FAM199X: variants seen among roughly 807,000 people sequenced by gnomAD.
FAM199X encodes the protein family with sequence similarity 199, X-linked.
Under a neutral mutation model 22.9 loss-of-function variants are expected in FAM199X, and 4 were observed. The ratio of observed to expected loss-of-function variants is 0.17; its 90% CI spans 0.09 to 0.40. FAM199X has a LOEUF of 0.40. FAM199X is among the 10% of genes least tolerant of loss of function. The pLI is 1.00. For missense variants in FAM199X, 183 were observed against 306.8 expected, an observed-to-expected ratio of 0.60 and a Z score of 3.01; for synonymous variants, 101 against 112.3, an observed-to-expected ratio of 0.90 and a Z score of 0.64.
At chrX:104,181,535 G>A (rs1442392111) in intron 2 of FAM199X, among the ~76,000 whole-genome samples, 1 of 112,046 alleles carries the variant, frequency 8.9e-6, no homozygotes, top group Non-Finnish European at 1.9e-5. Flanking sequence ...GGAAAAAATA[G>A]ACTCTGCTTA....
chrX:104,189,504 A>G (rs1238640086), intron 5 of FAM199X, 104 bp from the exon 6 acceptor site: 2 of 814,977 alleles, frequency 2.5e-6, no homozygotes, highest in East Asian at 3.1e-5. Context: ...AAGGATTTGA[A>G]CAGCTCTTAA....
chrX:104,184,776 A>G (rs1297672432), intron 2 of FAM199X, among the ~76,000 whole-genome samples: 1 of 109,708 alleles, frequency 9.1e-6, no homozygotes, highest in African/African-American at 3.3e-5. Flanking sequence ...ATTTAAAATT[A>G]TTTTATTATT....
intron 2 of FAM199X, among the ~76,000 whole-genome samples, chrX:104,181,097 G>A (rs968025590): frequency 8.0e-5 from 9 of 112,358 alleles, no homozygotes; most frequent in African/African-American, 2.9e-4. Context: ...TAAACAGTGA[G>A]TAATCAGCTG....
chrX:104,164,201 G>A (rs1921100407), upstream of FAM199X, among the ~76,000 whole-genome samples: 2 of 112,103 alleles, frequency 1.8e-5, no homozygotes, highest in African/African-American at 6.5e-5. Context: ...ACATACTACT[G>A]ACTGGCAAGC....
intron 1 of FAM199X, among the ~76,000 whole-genome samples, 200 bp from the exon 2 acceptor site, chrX:104,175,423 C>A (rs782116712): frequency 5.4e-5 from 6 of 111,888 alleles, no homozygotes; most frequent in Non-Finnish European, 1.1e-4. Flanking sequence ...TCCCCAACCC[C>A]TGCCTTATTT....
In FAM199X at chrX:104,194,494, C is replaced by T. The variant is rs1556381164; in HGVS notation, c.*4716C>T. 8.9e-6 allele frequency: 1 copy of T among 112,169 alleles called. No individual in the cohort carries two copies. Among genetic ancestry groups the T allele is most frequent in the Admixed American group, 9.5e-5 (1 of 10,580 alleles). The allele number at this position is 112,169 out of a possible 1,213,427, so 9.2% of individuals were successfully genotyped here. On this transcript the variant is annotated 3_prime_UTR_variant, in exon 6 of 6. Transcript: ENST00000493442. ...GCTGGCTCTTTTAACAGTAGCTGAC[C>T]TATTGGATTTAAACTGAGACTGAAA...
At chrX:104,166,202 C>T (rs1418350788), upstream of FAM199X, among the ~76,000 whole-genome samples, 1 of 113,000 alleles carries the variant, frequency 8.8e-6, no homozygotes, top group Non-Finnish European at 1.9e-5. Flanking sequence ...TGACCTTGGC[C>T]AAGTCCCTTT....
chrX:104,159,774 G>A, the FAM199X span, among the ~76,000 whole-genome samples: 3 of 111,908 alleles, frequency 2.7e-5, no homozygotes, highest in African/African-American at 9.8e-5. Context: ...GCACTCTGCA[G>A]AAGAGGTTCA....
Position 104,191,794 on chromosome X carries a change from A to T in FAM199X, c.*2016A>T, listed in dbSNP as rs782747804. The T allele has an allele frequency of 1.8e-5, 2 of 111,859 alleles. No individual in the cohort carries two copies. Among genetic ancestry groups the T allele is most frequent in the South Asian group, 7.4e-4 (2 of 2,694 alleles). 9.2% of individuals were successfully genotyped at this position (111,859 alleles called of 1,213,427 possible). A position where few individuals can be genotyped will look rare whatever the true frequency, so the allele number is the denominator to read the frequency against. ...GGTCATCAGTAAAAAACCCTAAACA[A>T]GGTCATGATATAATTTAAGACCAAT... On this transcript the variant is annotated 3_prime_UTR_variant, in exon 6 of 6. Coordinates refer to ENST00000493442, the MANE Select transcript of FAM199X (RefSeq NM_207318.4).
the FAM199X span, among the ~76,000 whole-genome samples, chrX:104,158,388 A>G: frequency 4.5e-5 from 5 of 112,107 alleles, 1 homozygote; most frequent in Non-Finnish European, 9.4e-5. Context: ...TACTTCCTAT[A>G]GTACTGAAGA....
At chrX:104,170,494 G>A (rs1006933513) in intron 1 of FAM199X, among the ~76,000 whole-genome samples, 9 of 111,990 alleles carry the variant, frequency 8.0e-5, no homozygotes, top group Non-Finnish European at 1.1e-4. Context: ...GGTTGAGAGA[G>A]TGGAAGGTTT....
chrX:104,166,585 C>A lies in FAM199X; in HGVS notation c.-201C>A. On this transcript the variant is annotated 5_prime_UTR_variant, in exon 1 of 6. Transcript: ENST00000493442. ...GGGCGCTAACTGGGTGGCCGGTGGG[C>A]CGCTGTGGCCTCGAGCAGCCTCTTC... 3.1e-6 allele frequency: 1 copy of A among 325,440 alleles called. No homozygotes were observed. Among genetic ancestry groups the A allele is most frequent in the East Asian group, 5.0e-5 (1 of 20,186 alleles). 26.8% of individuals were successfully genotyped at this position (325,440 alleles called of 1,213,427 possible). A position where few individuals can be genotyped will look rare whatever the true frequency, so the allele number is the denominator to read the frequency against.
intron 1 of FAM199X, among the ~76,000 whole-genome samples, chrX:104,172,913 CAA>C (rs1921394576): frequency 9.0e-6 from 1 of 111,557 alleles, no homozygotes; most frequent in Non-Finnish European, 1.9e-5. Flanking sequence ...TTTGAAGACA[CAA>C]GAGAAAAATA....
chrX:104,176,224 T>C (rs1333843745), intron 2 of FAM199X, among the ~76,000 whole-genome samples: 2 of 112,193 alleles, frequency 1.8e-5, no homozygotes, highest in African/African-American at 6.5e-5. Context: ...TAAACTGTTA[T>C]TACCATAAAT....
intron 2 of FAM199X, among the ~76,000 whole-genome samples, chrX:104,184,509 G>A (rs1921745403): frequency 8.9e-6 from 1 of 111,762 alleles, no homozygotes; most frequent in Non-Finnish European, 1.9e-5. Context: ...AACTTTTGGA[G>A]GTAATGGATA....
In FAM199X at chrX:104,175,842, G is replaced by C. The variant is rs1556376321; in HGVS notation, c.417G>C (p.Gln139His). 8.4e-7 allele frequency: 1 copy of C among 1,194,288 alleles called. No individual in the cohort carries two copies. The highest frequency in any genetic ancestry group is 1.1e-6 in the Non-Finnish European group (1 of 883,833). Reference protein sequence around the residue: ...WDWSDSEFEWQLPGSDIASGS... With the variant: ...WDWSDSEFEWHLPGSDIASGS... ...GGTCAGATAGCGAGTTTGAATGGCA[G>C]GTAAGTTTTTTTGTCCTTTTCTTGA... is the stretch of plus-strand genomic sequence containing the variant. The change falls in exon 2 of 6, where the codon CAG (glutamine) becomes CAC (histidine). Residue 139 changes from glutamine (Q) to histidine (H), a missense_variant and splice_region_variant. Around this residue, in one of 2 missense-constraint regions of FAM199X, gnomAD observed 128 missense variants for 246.2 expected, o/e 0.52. Transcript: ENST00000493442.
chrX:104,159,111 A>G, the FAM199X span, among the ~76,000 whole-genome samples: 2 of 112,201 alleles, frequency 1.8e-5, no homozygotes, highest in Non-Finnish European at 3.8e-5. Flanking sequence ...TGTAAGGGGT[A>G]GAGCTGTGAG....
Position 104,188,042 on chromosome X carries a change from C to T in FAM199X, c.732C>T (p.Val244=). The T allele has an allele frequency of 8.3e-7, 1 of 1,209,894 alleles. No homozygotes were observed. The highest frequency in any genetic ancestry group is 2.3e-4 in the Middle Eastern group (1 of 4,330). Reference sequence around the variant, plus strand: ...AGTTTGTGTTTGTGCATCCCAAGGTCAGAAACTATATCAAGGAACATAGCC... The same window carrying T: ...AGTTTGTGTTTGTGCATCCCAAGGTTAGAAACTATATCAAGGAACATAGCC... ...NCLTDEKLKQ[V]RNYIKEHSPR... Residue 244 remains valine (V), a splice_region_variant and synonymous_variant, in exon 5 of 6, where the codon GTC becomes GTT. Coordinates refer to ENST00000493442, the MANE Select transcript of FAM199X (RefSeq NM_207318.4).
chrX:104,193,367 AG>A lies in FAM199X; in HGVS notation c.*3591del, dbSNP rs1921985390. On this transcript the variant is annotated 3_prime_UTR_variant, in exon 6 of 6. Transcript: ENST00000493442. ...TTCCCTCTGAAAAAGATCATATGCCAGGATACTTCTTCAAACCAGATCACTT... is the reference window on the plus strand; with the variant it reads ...TTCCCTCTGAAAAAGATCATATGCCAGATACTTCTTCAAACCAGATCACTT... 1 of 111,867 alleles carries A rather than the reference AG, an allele frequency of 8.9e-6. No individual in the cohort carries two copies. Among genetic ancestry groups the A allele is most frequent in the African/African-American group, 3.2e-5 (1 of 30,876 alleles). 9.2% of individuals were successfully genotyped at this position (111,867 alleles called of 1,213,427 possible). A position where few individuals can be genotyped will look rare whatever the true frequency, so the allele number is the denominator to read the frequency against.
Sources: gnomAD v4.1 joint callset for allele counts (sites outside exome capture counted in the v4.1 genomes callset) on GRCh38, gnomAD v4.1.1 for gene constraint, gnomAD v4.1.1 regional missense constraint, MANE v1.5 for transcripts, NCBI Gene and HGNC (gene_info 2026-07-23, HGNC 2026-07-21) for gene names.